Variants in UGGT2 observed in about 807,000 individuals in gnomAD.
UGGT2 encodes the protein UDP-glucose:glycoprotein glucosyltransferase 2.
UGGT2 carries 180 observed loss-of-function variants against 192.1 expected under a neutral mutation model. That is an observed-to-expected ratio of 0.94 (90% confidence interval 0.83 to 1.06). The LOEUF (loss-of-function observed/expected upper bound fraction) is 1.06, where lower values mean the gene tolerates loss of function less well. Among genes scored for constraint, UGGT2 ranks in the 50% least tolerant of loss-of-function variants. The probability of loss-of-function intolerance (pLI) is 0.00; values close to 1 mark genes in which losing one functional copy is unlikely to be tolerated. For synonymous variants in UGGT2, 580 were observed against 591.0 expected (o/e 0.98, Z 0.27); for missense variants, 1,849 against 1,795.7 (o/e 1.03, Z -0.54).
chr13:96,049,324 T>C (rs1426575150), intron 1 of UGGT2, among the ~76,000 whole-genome samples: 1 of 152,152 alleles, frequency 6.6e-6, no homozygotes, highest in African/African-American at 2.4e-5. Flanking sequence ...TGATGGGACA[T>C]ATCTCAAAAT....
intron 20 of UGGT2, 27 bp from the exon 21 acceptor site, chr13:95,903,087 G>C: frequency 6.3e-7 from 1 of 1,590,982 alleles, no homozygotes; most frequent in Non-Finnish European, 8.5e-7. Context: ...AGATTAAAAA[G>C]ACCAGTATCA....
At chr13:95,831,664 T>C (rs1004320948) in intron 38 of UGGT2, among the ~76,000 whole-genome samples, 5 of 152,154 alleles carry the variant, frequency 3.3e-5, no homozygotes, top group African/African-American at 9.6e-5. Flanking sequence ...TTTATACATA[T>C]AAAATTTCCT....
chr13:95,851,657 C>T (rs892976829), intron 36 of UGGT2, among the ~76,000 whole-genome samples: 2 of 152,134 alleles, frequency 1.3e-5, no homozygotes, highest in Non-Finnish European at 2.9e-5. Flanking sequence ...GCTCACTACA[C>T]ATTTTTACCT....
At chr13:95,943,867 A>G (rs2049775296) in intron 15 of UGGT2, among the ~76,000 whole-genome samples, 1 of 152,022 alleles carries the variant, frequency 6.6e-6, no homozygotes, top group South Asian at 2.1e-4. Flanking sequence ...TTTTAAAAAC[A>G]ATGCTTTCTA....
chr13:95,971,281 A>G (rs556459658), intron 11 of UGGT2, among the ~76,000 whole-genome samples: 8 of 152,158 alleles, frequency 5.3e-5, no homozygotes, highest in Non-Finnish European at 1.2e-4. Flanking sequence ...GTAATATGAC[A>G]TTTTACTTCC....
At chr13:96,047,998 T>C (rs574582909) in intron 1 of UGGT2, among the ~76,000 whole-genome samples, 1 of 152,160 alleles carries the variant, frequency 6.6e-6, no homozygotes, top group Non-Finnish European at 1.5e-5. Context: ...AATAGACATC[T>C]ACAGAACTCT....
At chr13:95,906,774 G>C (rs546108903) in intron 20 of UGGT2, among the ~76,000 whole-genome samples, 1 of 152,128 alleles carries the variant, frequency 6.6e-6, no homozygotes, top group Non-Finnish European at 1.5e-5. Context: ...CTTCTTATCA[G>C]AAACAACAGA....
At chr13:95,960,783 A>G (rs1157060410) in intron 12 of UGGT2, among the ~76,000 whole-genome samples, 1 of 152,210 alleles carries the variant, frequency 6.6e-6, no homozygotes, top group African/African-American at 2.4e-5. Context: ...AGAGATTTCT[A>G]TAAACAGCAA....
intron 29 of UGGT2, among the ~76,000 whole-genome samples, chr13:95,869,340 A>G (rs978600042): frequency 6.6e-6 from 1 of 152,124 alleles, no homozygotes; most frequent in African/African-American, 2.4e-5. Flanking sequence ...TAGTGCCGCA[A>G]TAAACATACG....
intron 11 of UGGT2, among the ~76,000 whole-genome samples, chr13:95,972,072 T>C (rs964284119): frequency 1.3e-5 from 2 of 152,130 alleles, no homozygotes; most frequent in Non-Finnish European, 2.9e-5. Context: ...TGAGTGACCA[T>C]TGATAAAGCA....
chr13:95,828,323 A>G (rs1051707355), intron 38 of UGGT2, among the ~76,000 whole-genome samples: 1 of 152,216 alleles, frequency 6.6e-6, no homozygotes, highest in Non-Finnish European at 1.5e-5. Flanking sequence ...CTAAGATCAG[A>G]GCACAACTGA....
intron 29 of UGGT2, among the ~76,000 whole-genome samples, chr13:95,875,568 T>C (rs1274563309): frequency 1.3e-5 from 2 of 152,208 alleles, no homozygotes; most frequent in African/African-American, 4.8e-5. Context: ...CTAAAACACA[T>C]ATGGCCCTAA....
intron 20 of UGGT2, among the ~76,000 whole-genome samples, chr13:95,903,424 C>T (rs77184545): frequency 1.5e-3 from 225 of 152,226 alleles, no homozygotes; most frequent in African/African-American, 4.8e-3. Flanking sequence ...AAAAAGATTC[C>T]GCAGATCTCT....
intron 25 of UGGT2, 22 bp downstream of exon 25, chr13:95,890,840 A>C: frequency 6.4e-7 from 1 of 1,560,818 alleles, no homozygotes; most frequent in Non-Finnish European, 8.7e-7. Context: ...AAAAACATTT[A>C]GTCTAATTTA....
intron 5 of UGGT2, among the ~76,000 whole-genome samples, chr13:96,011,510 A>C (rs1373687893): frequency 6.6e-6 from 1 of 152,086 alleles, no homozygotes. Flanking sequence ...AATAAAAAAA[A>C]CTGACATTAA....
At chr13:95,921,484 AT>A (rs199859688) in intron 20 of UGGT2, among the ~76,000 whole-genome samples, 84 of 152,054 alleles carry the variant, frequency 5.5e-4, no homozygotes, top group Middle Eastern at 3.4e-3. Flanking sequence ...CACACTGTGA[AT>A]TTTTTTTCCC....
chr13:96,037,402 T>G (rs953881073), intron 1 of UGGT2, among the ~76,000 whole-genome samples: 1 of 152,238 alleles, frequency 6.6e-6, no homozygotes, highest in Admixed American at 6.5e-5. Context: ...TTTCACCATG[T>G]TGGCTACGCT....
At chr13:96,002,929 C>T (rs1162834644) in intron 5 of UGGT2, among the ~76,000 whole-genome samples, 1 of 152,138 alleles carries the variant, frequency 6.6e-6, no homozygotes, top group Non-Finnish European at 1.5e-5. Context: ...GCTCCTAGAA[C>T]AGGATGTCTT....
At chr13:96,002,658 T>C (rs2051844065) in intron 5 of UGGT2, among the ~76,000 whole-genome samples, 1 of 152,200 alleles carries the variant, frequency 6.6e-6, no homozygotes, top group Non-Finnish European at 1.5e-5. Flanking sequence ...CTCAAGAATA[T>C]TTAAGATTTT....
Sources: allele counts gnomAD v4.1 joint callset (sites outside exome capture counted in the v4.1 genomes callset), GRCh38; gene constraint gnomAD v4.1.1; transcripts MANE v1.5; gene names NCBI Gene and HGNC (gene_info 2026-07-23, HGNC 2026-07-21).